The following UBE2F variants were observed in gnomAD, a reference collection of about 807,000 sequenced individuals.
UBE2F encodes NEDD8-conjugating enzyme UBE2F.
Under a neutral mutation model 29.6 loss-of-function variants are expected in UBE2F, and 5 were observed. The ratio of observed to expected loss-of-function variants is 0.17; its 90% CI spans 0.09 to 0.36. UBE2F has a LOEUF of 0.36. Ranked by LOEUF, UBE2F falls within the 10% of genes least tolerant of loss-of-function variation. The pLI is 1.00. For synonymous variants in UBE2F, 66 were observed against 81.8 expected, an observed-to-expected ratio of 0.81 and a Z score of 1.04; for missense variants, 141 against 228.5, an observed-to-expected ratio of 0.62 and a Z score of 2.47.
At chr2:238,032,363 A>G in intron 8 of UBE2F, 109 bp downstream of exon 8, 7 of 998,520 alleles carry the variant, frequency 7.0e-6, no homozygotes, top group Non-Finnish European at 6.2e-6. Flanking sequence ...AAAATGAAAC[A>G]TGGACTGGGC....
intron 2 of UBE2F, among the ~76,000 whole-genome samples, chr2:237,975,895 C>T (rs899292278): frequency 2.0e-5 from 3 of 151,240 alleles, no homozygotes; most frequent in African/African-American, 7.4e-5. Context: ...GCCTTGACCT[C>T]CCAAAGTGCT....
chr2:237,972,681 G>T (rs1006244653), intron 1 of UBE2F, among the ~76,000 whole-genome samples: 1 of 150,322 alleles, frequency 6.7e-6, no homozygotes, highest in Non-Finnish European at 1.5e-5. Flanking sequence ...TTCCCGAGTA[G>T]CTGAGACTAC....
chr2:238,034,957 A>G (rs2064672770), intron 8 of UBE2F, among the ~76,000 whole-genome samples: 1 of 151,604 alleles, frequency 6.6e-6, no homozygotes, highest in South Asian at 2.1e-4. Context: ...CAGTGGCGCC[A>G]TCTTGGCTCA....
intron 2 of UBE2F, among the ~76,000 whole-genome samples, chr2:237,980,622 G>T (rs778063302): frequency 2.6e-5 from 4 of 152,184 alleles, no homozygotes; most frequent in Non-Finnish European, 4.4e-5. Flanking sequence ...TCAGTCCACA[G>T]CGCCTTTGGA....
chr2:238,002,616 T>C (rs1406484895), intron 4 of UBE2F, among the ~76,000 whole-genome samples: 2 of 151,872 alleles, frequency 1.3e-5, no homozygotes, highest in Non-Finnish European at 2.9e-5. Flanking sequence ...AACATTTTGT[T>C]TTTTTGTTTT....
intron 4 of UBE2F, among the ~76,000 whole-genome samples, chr2:237,997,232 A>T (rs960351180): frequency 8.5e-5 from 13 of 152,222 alleles, no homozygotes; most frequent in African/African-American, 2.2e-4. Flanking sequence ...AAAAAATAAA[A>T]AAAATAAATA....
intron 2 of UBE2F, among the ~76,000 whole-genome samples, chr2:237,977,460 G>A (rs548805417): frequency 2.8e-4 from 43 of 152,324 alleles, no homozygotes; most frequent in Middle Eastern, 3.4e-3. Flanking sequence ...TGTGAGGTGA[G>A]GGTAAAGAGA....
Position 238,037,886 on chromosome 2 carries a change from C to T in UBE2F, c.507+1946C>T, listed in dbSNP as rs546810578. Among the ~76,000 whole-genome samples the T allele has an allele frequency of 1.5e-3, 235 of 152,258 alleles. 1 individual carries two copies. Among genetic ancestry groups the T allele is most frequent in the African/African-American group, 5.2e-3 (217 of 41,560 alleles). On this transcript the variant is annotated intron_variant, in intron 9 of 9. Transcript: ENST00000272930. ...AGCCTCCCAAAGTGATTACTGCACC[C>T]GACCTGATGTAGCTTTGAACACAGT...
At chr2:238,005,447 T>C (rs2063880361) in intron 4 of UBE2F, among the ~76,000 whole-genome samples, 1 of 152,162 alleles carries the variant, frequency 6.6e-6, no homozygotes, top group African/African-American at 2.4e-5. Context: ...CAGCCAACTT[T>C]GGCCTCCCAA....
chr2:238,000,795 T>A (rs1466679835), intron 4 of UBE2F, among the ~76,000 whole-genome samples: 1 of 152,214 alleles, frequency 6.6e-6, no homozygotes, highest in East Asian at 1.9e-4. Context: ...TTCCAGTTTC[T>A]CTATATTCTT....
At chr2:237,972,105 A>G (rs971821726) in intron 1 of UBE2F, among the ~76,000 whole-genome samples, 1 of 152,320 alleles carries the variant, frequency 6.6e-6, no homozygotes, top group Non-Finnish European at 1.5e-5. Flanking sequence ...AACATAATCT[A>G]CTTTGGGACA....
chr2:237,994,997 G>A (rs896875362), intron 4 of UBE2F, among the ~76,000 whole-genome samples, 188 bp downstream of exon 4: 3 of 152,166 alleles, frequency 2.0e-5, no homozygotes, highest in Non-Finnish European at 4.4e-5. Flanking sequence ...TGAATTTGAG[G>A]CATTCAGTGT....
chr2:237,989,460 C>G (rs1175472764), intron 3 of UBE2F, among the ~76,000 whole-genome samples: 1 of 152,080 alleles, frequency 6.6e-6, no homozygotes, highest in Non-Finnish European at 1.5e-5. Flanking sequence ...TCAAGTGATT[C>G]TTGCGCCTCA....
chr2:237,979,693 C>T (rs546373061), intron 2 of UBE2F, among the ~76,000 whole-genome samples: 4 of 152,300 alleles, frequency 2.6e-5, no homozygotes, highest in East Asian at 1.9e-4. Context: ...GGAGCTGCCC[C>T]GGGAAACTTG....
intron 9 of UBE2F, among the ~76,000 whole-genome samples, chr2:238,038,458 TG>T (rs2064768650): frequency 6.6e-6 from 1 of 152,242 alleles, no homozygotes. Flanking sequence ...ATGTGCCCCT[TG>T]GCCCACCCCT....
At chr2:237,991,609 C>CTTTTTTTCTTTTTTTTTTTTT (rs2063591208) in intron 3 of UBE2F, among the ~76,000 whole-genome samples, 1 of 53,052 alleles carries the variant, frequency 1.9e-5, no homozygotes, top group Non-Finnish European at 3.5e-5. Context: ...TTCTTTCTTT[C>CTTTTTTTCTTTTTTTTTTTTT]TTTTTTTTTT....
chr2:238,016,484 A>G (rs557381037), intron 4 of UBE2F, 82 bp from the exon 5 acceptor site: 2 of 1,232,056 alleles, frequency 1.6e-6, no homozygotes, highest in Non-Finnish European at 2.3e-6. Flanking sequence ...TATTTGCCAT[A>G]TCCTAACAGA....
chr2:237,975,638 C>T (rs1466753753), intron 2 of UBE2F, among the ~76,000 whole-genome samples: 1 of 152,104 alleles, frequency 6.6e-6, no homozygotes, highest in Non-Finnish European at 1.5e-5. Flanking sequence ...ACTGTGAGGG[C>T]ACTGGGTTTG....
intron 4 of UBE2F, among the ~76,000 whole-genome samples, chr2:238,004,408 G>GTT (rs139055573): frequency 1.3e-5 from 2 of 151,002 alleles, no homozygotes; most frequent in African/African-American, 4.9e-5. Context: ...AAAAAATAAG[G>GTT]TTTTTTTTTC....
Sources: allele counts gnomAD v4.1 joint callset (sites outside exome capture counted in the v4.1 genomes callset), GRCh38; gene constraint gnomAD v4.1.1; transcripts MANE v1.5; gene names NCBI Gene and HGNC (gene_info 2026-07-23, HGNC 2026-07-21).